The following MYH11 variants were observed in gnomAD, a reference collection of about 807,000 sequenced individuals.
MYH11 encodes the protein myosin heavy chain 11.
MYH11 carries 80 observed loss-of-function variants against 246.6 expected under a neutral mutation model. The observed-to-expected ratio is 0.32, with a 90% CI of 0.27 to 0.39. The LOEUF is 0.39. MYH11 is among the 10% of genes least tolerant of loss of function. The pLI, the probability that MYH11 is intolerant of heterozygous loss-of-function variation, is 1.00. For missense variants in MYH11, 2,158 were observed against 2,546.8 expected, an observed-to-expected ratio of 0.85 and a Z score of 3.29; for synonymous variants, 1,071 against 1,015.5, an observed-to-expected ratio of 1.05 and a Z score of -1.04.
chr16:15,728,555 A>G (rs1350813999), intron 27 of MYH11, among the ~76,000 whole-genome samples: 1 of 151,766 alleles, frequency 6.6e-6, no homozygotes, highest in African/African-American at 2.4e-5. Flanking sequence ...AGGGAAACTT[A>G]TTTTATGGAA....
intron 4 of MYH11, 38 bp from the exon 5 acceptor site, chr16:15,786,770 A>G (rs1282807039): frequency 1.3e-6 from 2 of 1,566,036 alleles, no homozygotes; most frequent in Admixed American, 1.7e-5. Flanking sequence ...CACACGTTCC[A>G]TGGTGACCTT....
intron 27 of MYH11, among the ~76,000 whole-genome samples, chr16:15,731,972 A>AT (rs1444891807): frequency 6.6e-6 from 1 of 150,550 alleles, no homozygotes; most frequent in Non-Finnish European, 1.5e-5. Flanking sequence ...ATTTTATTTT[A>AT]TTTTTTTGAG....
At chr16:15,754,027 G>A (rs985421108) in intron 14 of MYH11, among the ~76,000 whole-genome samples, 2 of 144,180 alleles carry the variant, frequency 1.4e-5, no homozygotes, top group Non-Finnish European at 3.0e-5. Context: ...CCAACATGGT[G>A]AAACCCCATG....
At chr16:15,841,164 A>G (rs1445023080) in intron 1 of MYH11, among the ~76,000 whole-genome samples, 3 of 152,126 alleles carry the variant, frequency 2.0e-5, no homozygotes, top group African/African-American at 7.2e-5. Context: ...TTTGAGATGG[A>G]GTCTTGCTCT....
chr16:15,789,034 C>T (rs975970102), intron 4 of MYH11, among the ~76,000 whole-genome samples: 1 of 152,072 alleles, frequency 6.6e-6, no homozygotes, highest in African/African-American at 2.4e-5. Flanking sequence ...GGAAGGGTCC[C>T]TTTGCTAAAT....
At chr16:15,712,390 C>G (rs1301466058) in intron 40 of MYH11, among the ~76,000 whole-genome samples, 1 of 152,174 alleles carries the variant, frequency 6.6e-6, no homozygotes, top group Non-Finnish European at 1.5e-5. Flanking sequence ...TGGTCCATGC[C>G]TGTAATCCCA....
intron 1 of MYH11, among the ~76,000 whole-genome samples, chr16:15,851,675 G>GC (rs2044332874): frequency 6.6e-6 from 1 of 151,838 alleles, no homozygotes; most frequent in African/African-American, 2.4e-5. Flanking sequence ...CACTTTTACA[G>GC]GAAAAAAAGT....
At chr16:15,826,807 C>T (rs777322768) in intron 2 of MYH11, among the ~76,000 whole-genome samples, 1 of 151,600 alleles carries the variant, frequency 6.6e-6, no homozygotes, top group Non-Finnish European at 1.5e-5. Flanking sequence ...ACCTAGGCAA[C>T]ACAGTGAGAC....
chr16:15,837,681 C>T (rs571377503), intron 2 of MYH11, among the ~76,000 whole-genome samples: 2 of 152,090 alleles, frequency 1.3e-5, no homozygotes, highest in Admixed American at 6.6e-5. Context: ...ATTACAGATG[C>T]GCACCACCAC....
At chr16:15,783,473 C>T (rs1034393739) in intron 5 of MYH11, 2 of 152,226 alleles carry the variant, frequency 1.3e-5, no homozygotes, top group African/African-American at 4.8e-5. Flanking sequence ...AAGCAGGAAG[C>T]TGCTATTTGT....
intron 40 of MYH11, among the ~76,000 whole-genome samples, chr16:15,709,576 A>G (rs2039664237): frequency 6.6e-6 from 1 of 152,154 alleles, no homozygotes; most frequent in Non-Finnish European, 1.5e-5. Flanking sequence ...CGGCCTCCCA[A>G]AGAGCTGGGA....
chr16:15,782,443 G>A lies in MYH11; in HGVS notation c.668C>T (p.Pro223Leu). Residue 223 changes from proline to leucine, a missense_variant, in exon 6 of 41, where the codon CCG becomes CTG. By Grantham distance (98) the Pro-to-Leu change is moderately conservative. Transcript: ENST00000300036. ...GGCGTTGCCGAAAGCCTCCAGAATC[G>A]GGTTTGCTTGTAGAAGCTGCTTTTC... ...ELEKQLLQAN[P>L]ILEAFGNAKT... is the part of the protein sequence containing the mutation. The A allele has an allele frequency of 6.2e-7, 1 of 1,614,106 alleles. No homozygotes were observed. Among genetic ancestry groups the A allele is most frequent in the Non-Finnish European group, 8.5e-7 (1 of 1,180,024 alleles).
intron 8 of MYH11, among the ~76,000 whole-genome samples, chr16:15,773,205 G>A (rs2042144880): frequency 6.6e-6 from 1 of 151,570 alleles, no homozygotes; most frequent in Admixed American, 6.6e-5. Context: ...TTCTGGATAT[G>A]TCAAGTTTAG....
At chr16:15,815,682 G>A (rs986611293) in intron 3 of MYH11, among the ~76,000 whole-genome samples, 1 of 152,158 alleles carries the variant, frequency 6.6e-6, no homozygotes, top group Non-Finnish European at 1.5e-5. Flanking sequence ...GGGCCACTAA[G>A]TGTCCAGGAT....
At position 15,721,587 on chromosome 16, in the gene MYH11, C is replaced by T; in HGVS notation, c.4413G>A (p.Arg1471=). ...CCCTGGCTTCTGCCTCAGCTCTGTC[C>T]CTCTCATCCGCGTATTTGGAAGAGA... The part of the protein sequence containing the change: ...KNISSKYADE[R]DRAEAEAREK... Residue 1471 remains arginine, a synonymous_variant, in exon 32 of 41, where the codon AGG becomes AGA. Transcript: ENST00000300036. 6.2e-7 allele frequency: 1 copy of T among 1,614,178 alleles called. No individual in the cohort carries two copies. The highest frequency in any genetic ancestry group is 1.3e-5 in the African/African-American group (1 of 75,052).
intron 36 of MYH11, chr16:15,718,805 G>A: frequency 4.8e-6 from 2 of 415,604 alleles, no homozygotes; most frequent in Middle Eastern, 1.5e-3. Flanking sequence ...CCCAATCTCA[G>A]AGGACGCTTC....
intron 25 of MYH11, among the ~76,000 whole-genome samples, chr16:15,736,106 T>C (rs1056904069): frequency 1.3e-5 from 2 of 152,194 alleles, no homozygotes; most frequent in African/African-American, 4.8e-5. Flanking sequence ...AATGGCAGAA[T>C]GCTGCAGGAG....
At chr16:15,839,418 C>T (rs35835794) in intron 1 of MYH11, among the ~76,000 whole-genome samples, 3,387 of 152,128 alleles carry the variant, frequency 0.022, 44 homozygotes, top group Middle Eastern at 0.034. Flanking sequence ...GGCGGCCGGG[C>T]GCGGTGGCTC....
At chr16:15,831,888 G>A (rs147204928) in intron 2 of MYH11, among the ~76,000 whole-genome samples, 215 of 152,024 alleles carry the variant, frequency 1.4e-3, no homozygotes, top group African/African-American at 4.6e-3. Flanking sequence ...CAGTGAGCCA[G>A]GATCACACCA....
Sources: allele counts gnomAD v4.1 joint callset (sites outside exome capture counted in the v4.1 genomes callset), GRCh38; gene constraint gnomAD v4.1.1; transcripts MANE v1.5; gene names NCBI Gene and HGNC (gene_info 2026-07-23, HGNC 2026-07-21).